The following STPG2 variants were observed in gnomAD, a reference collection of about 807,000 sequenced individuals.
The protein encoded by STPG2 is sperm tail PG-rich repeat containing 2, also known as sperm-tail PG-rich repeat-containing protein 2.
STPG2 carries 56 observed loss-of-function variants against 54.2 expected under a neutral mutation model. That is an observed-to-expected ratio of 1.03 (90% CI 0.83 to 1.29). STPG2 has a LOEUF of 1.29. STPG2 is among the 50% of genes most tolerant of loss of function. The pLI is 0.00. For missense variants in STPG2, 596 were observed against 544.9 expected, an observed-to-expected ratio of 1.09 and a Z score of -0.93; for synonymous variants, 200 against 181.8, an observed-to-expected ratio of 1.10 and a Z score of -0.81.
intron 5 of STPG2, among the ~76,000 whole-genome samples, chr4:98,055,708 G>A (rs1258525125): frequency 6.6e-6 from 1 of 152,274 alleles, no homozygotes; most frequent in African/African-American, 2.4e-5. Flanking sequence ...ATCCCTCTAG[G>A]CTTGATTTGC....
chr4:97,936,029 C>T (rs1732734587), intron 8 of STPG2, among the ~76,000 whole-genome samples: 1 of 152,150 alleles, frequency 6.6e-6, no homozygotes, highest in Non-Finnish European at 1.5e-5. Flanking sequence ...CTTCGTAGGT[C>T]TCTAAGAACT....
intron 10 of STPG2, among the ~76,000 whole-genome samples, chr4:97,588,923 C>A (rs1406299576): frequency 6.6e-6 from 1 of 152,016 alleles, no homozygotes; most frequent in African/African-American, 2.4e-5. Context: ...TTTTACATAA[C>A]CCACACAAAA....
intron 10 of STPG2, among the ~76,000 whole-genome samples, chr4:97,688,231 T>C (rs757927530): frequency 6.6e-6 from 1 of 152,146 alleles, no homozygotes; most frequent in Non-Finnish European, 1.5e-5. Context: ...TAAATATTCA[T>C]CAAATATCTT....
chr4:97,966,707 G>T (rs898703985), intron 7 of STPG2, among the ~76,000 whole-genome samples: 8 of 152,066 alleles, frequency 5.3e-5, no homozygotes, highest in Non-Finnish European at 1.2e-4. Context: ...GAAGAGACTG[G>T]GGGACAATAT....
chr4:97,478,525 T>G (rs1730134079), intron 4 of STPG2, among the ~76,000 whole-genome samples: 1 of 152,118 alleles, frequency 6.6e-6, no homozygotes, highest in Admixed American at 6.6e-5. Context: ...AGTATTTGTT[T>G]TTATCTTGTA....
intron 3 of STPG2, among the ~76,000 whole-genome samples, chr4:98,124,158 G>C (rs1050617609): frequency 6.6e-6 from 1 of 152,012 alleles, no homozygotes; most frequent in Non-Finnish European, 1.5e-5. Context: ...CTTTTATTGG[G>C]GCATTTAGTC....
At chr4:97,507,419 A>C in intron 4 of STPG2, among the ~76,000 whole-genome samples, 1 of 152,074 alleles carries the variant, frequency 6.6e-6, no homozygotes. Context: ...TGAATCCAAA[A>C]CTGATTGCAG....
chr4:97,801,347 T>A (rs1018481004), intron 9 of STPG2, among the ~76,000 whole-genome samples: 2 of 152,124 alleles, frequency 1.3e-5, no homozygotes, highest in Non-Finnish European at 2.9e-5. Context: ...CACTTTTTTA[T>A]CATCCACCCA....
At chr4:97,812,790 T>C (rs1468605199) in intron 9 of STPG2, among the ~76,000 whole-genome samples, 1 of 152,170 alleles carries the variant, frequency 6.6e-6, no homozygotes, top group Non-Finnish European at 1.5e-5. Flanking sequence ...AATGATTCCC[T>C]ACTTTTTATT....
downstream of STPG2, among the ~76,000 whole-genome samples, chr4:97,557,155 T>G (rs929579588): frequency 3.9e-5 from 6 of 151,938 alleles, no homozygotes; most frequent in Admixed American, 6.6e-5. Context: ...CACTCCAGCC[T>G]GGTGATACAG....
intron 4 of STPG2, among the ~76,000 whole-genome samples, chr4:97,499,061 G>A (rs1161334596): frequency 1.3e-5 from 2 of 151,940 alleles, no homozygotes; most frequent in African/African-American, 4.8e-5. Flanking sequence ...AACTGAGGGA[G>A]TGACTCACGA....
chr4:97,569,398 C>T (rs933675268), intron 10 of STPG2, among the ~76,000 whole-genome samples: 4 of 152,150 alleles, frequency 2.6e-5, no homozygotes, highest in Non-Finnish European at 5.9e-5. Context: ...TGATCAGCAA[C>T]GTCTTTATGA....
chr4:98,074,555 T>C (rs1339826020), intron 5 of STPG2, among the ~76,000 whole-genome samples: 3 of 152,210 alleles, frequency 2.0e-5, no homozygotes, highest in African/African-American at 7.2e-5. Context: ...GAGACTCTAA[T>C]TACACATATG....
chr4:97,495,585 C>T (rs1245610821), intron 4 of STPG2, among the ~76,000 whole-genome samples: 1 of 150,620 alleles, frequency 6.6e-6, no homozygotes, highest in Non-Finnish European at 1.5e-5. Flanking sequence ...TAAGGAAATG[C>T]AGGTAAACTC....
At chr4:97,876,792 A>C (rs1730186810) in intron 8 of STPG2, among the ~76,000 whole-genome samples, 1 of 152,004 alleles carries the variant, frequency 6.6e-6, no homozygotes, top group East Asian at 1.9e-4. Context: ...TTTTATATCG[A>C]TGAGAATTTT....
chr4:97,850,874 A>T (rs562088198), intron 8 of STPG2, among the ~76,000 whole-genome samples: 430 of 152,312 alleles, frequency 2.8e-3, no homozygotes, highest in African/African-American at 7.1e-3. Context: ...ATGAATGAAT[A>T]CTGGGTAAGA....
rs1045086052 is a variant in STPG2 at position 97,604,583 on chromosome 4, G to A, written c.1321-45466C>T. On this transcript the variant is annotated intron_variant, in intron 10 of 10. Coordinates refer to ENST00000295268, the MANE Select transcript of STPG2 (RefSeq NM_174952.3). ...TCTTAGAGTTCTCCTCTACCCTTCT[G>A]CTACCCATAAGAAAAGAGCCCAATC... is the stretch of plus-strand genomic sequence containing the variant. Among the ~76,000 whole-genome samples the A allele has an allele frequency of 2.0e-5, 3 of 151,470 alleles. No individual in the cohort carries two copies. The East Asian group carries it at 5.8e-4, about 29-fold the overall frequency.
chr4:97,444,374 T>C (rs1560610703), intron 4 of STPG2, among the ~76,000 whole-genome samples: 2 of 152,260 alleles, frequency 1.3e-5, no homozygotes, highest in East Asian at 1.9e-4. Flanking sequence ...TGACTTTTTT[T>C]AACGCATAAA....
intron 4 of STPG2, among the ~76,000 whole-genome samples, chr4:97,523,123 T>C (rs941555369): frequency 2.4e-4 from 37 of 151,928 alleles, no homozygotes; most frequent in Admixed American, 2.3e-3. Context: ...ACTGTATAAA[T>C]AGCACATGGT....
Sources: allele counts gnomAD v4.1 joint callset (sites outside exome capture counted in the v4.1 genomes callset), GRCh38; gene constraint gnomAD v4.1.1; transcripts MANE v1.5; gene names NCBI Gene and HGNC (gene_info 2026-07-23, HGNC 2026-07-21).